Variants in AP2B1 observed in about 807,000 individuals in gnomAD.
AP2B1 encodes the protein AP-2 complex subunit beta.
AP2B1 carries 23 observed loss-of-function variants against 102.0 expected under a neutral mutation model. The ratio of observed to expected loss-of-function variants is 0.23; its 90% CI spans 0.16 to 0.32. The LOEUF (loss-of-function observed/expected upper bound fraction) is 0.32. Ranked by LOEUF, AP2B1 falls within the 10% of genes least tolerant of loss-of-function variation. The pLI is 1.00. For missense variants in AP2B1, 541 were observed against 1,157.4 expected (o/e 0.47, Z 7.73); for synonymous variants, 381 against 421.2 (o/e 0.90, Z 1.17).
intron 14 of AP2B1, among the ~76,000 whole-genome samples, chr17:35,667,833 G>A (rs1368841934): frequency 6.6e-6 from 1 of 152,120 alleles, no homozygotes; most frequent in Non-Finnish European, 1.5e-5. Flanking sequence ...TGCGGTGAGA[G>A]GGGGTAAGCC....
chr17:35,674,286 C>T lies in AP2B1; in HGVS notation c.2289C>T (p.His763=), dbSNP rs1766207230. Residue 763 remains histidine (H), a synonymous_variant, in exon 17 of 22, where the codon CAC becomes CAT. Coordinates refer to ENST00000610402, the MANE Select transcript of AP2B1 (RefSeq NM_001030006.2). ...ACTTCACCAATAAAGCTCTGCAGCA[C>T]ATGACAGATTTTGCAATCCAGTTTA... The part of the protein sequence containing the change: ...EMNFTNKALQ[H]MTDFAIQFNK... 1 of 1,614,176 alleles carries T rather than the reference C, an allele frequency of 6.2e-7. No homozygotes were observed. Among genetic ancestry groups the T allele is most frequent in the Non-Finnish European group, 8.5e-7 (1 of 1,180,036 alleles).
chr17:35,626,436 T>G (rs977827211), intron 6 of AP2B1, among the ~76,000 whole-genome samples, 185 bp from the exon 7 acceptor site: 3 of 152,114 alleles, frequency 2.0e-5, no homozygotes, highest in Non-Finnish European at 4.4e-5. Context: ...CTGCCTGTAG[T>G]TTGCTGAGAA....
chr17:35,618,547 T>A (rs2142502951), intron 5 of AP2B1, among the ~76,000 whole-genome samples: 1 of 152,314 alleles, frequency 6.6e-6, no homozygotes, highest in South Asian at 2.1e-4. Flanking sequence ...GTCACTGAAC[T>A]GGAAAGTGGT....
chr17:35,710,914 A>G (rs187915860), intron 20 of AP2B1, among the ~76,000 whole-genome samples: 88 of 152,266 alleles, frequency 5.8e-4, no homozygotes, highest in African/African-American at 2.0e-3. Context: ...TAAAAGAAAA[A>G]AAAGCCTAGT....
chr17:35,688,394 G>A (rs2075977967), intron 18 of AP2B1, among the ~76,000 whole-genome samples: 1 of 152,046 alleles, frequency 6.6e-6, no homozygotes, highest in Admixed American at 6.6e-5. Flanking sequence ...GTGAAAGCTT[G>A]TACTTTGTCC....
intron 14 of AP2B1, among the ~76,000 whole-genome samples, chr17:35,666,222 G>A (rs1455774648): frequency 1.3e-5 from 2 of 152,032 alleles, no homozygotes; most frequent in African/African-American, 2.4e-5. Context: ...GTTACAATAA[G>A]TCACCATAAA....
intron 17 of AP2B1, among the ~76,000 whole-genome samples, chr17:35,680,966 A>T (rs1166358862): frequency 8.5e-5 from 13 of 152,122 alleles, no homozygotes; most frequent in African/African-American, 3.1e-4. Context: ...AAGTGCTGAG[A>T]CTACAATTGT....
intron 1 of AP2B1, among the ~76,000 whole-genome samples, chr17:35,588,455 G>C (rs1360412883): frequency 6.6e-6 from 1 of 152,084 alleles, no homozygotes; most frequent in East Asian, 1.9e-4. Context: ...CTTGACTTTT[G>C]AGAAGAAAAA....
intron 5 of AP2B1, among the ~76,000 whole-genome samples, chr17:35,619,094 A>C (rs2074101711): frequency 6.6e-6 from 1 of 152,198 alleles, no homozygotes; most frequent in Non-Finnish European, 1.5e-5. Context: ...AGACACTGGA[A>C]TCAGATGCAG....
intron 5 of AP2B1, among the ~76,000 whole-genome samples, chr17:35,622,325 T>C (rs1359639894): frequency 1.9e-4 from 29 of 152,234 alleles, no homozygotes; most frequent in Admixed American, 1.9e-3. Flanking sequence ...ATTGCATTTG[T>C]GGCATCATTA....
At chr17:35,660,148 G>A (rs1210589483) in intron 14 of AP2B1, 1 of 907,170 alleles carries the variant, frequency 1.1e-6, no homozygotes. Flanking sequence ...GGTTTGTTTT[G>A]TTTTGTTTAG....
chr17:35,671,906 TAA>T lies in AP2B1; in HGVS notation c.2178+8_2178+9del, dbSNP rs2075596694. The stretch of plus-strand genomic sequence containing the variant: ...GATATGTGGCTCCTAAGGCTGTAAG[TAA>T]AGAGTTAACATAGCAATACTTTCTT... On this transcript the variant is annotated splice_region_variant and intron_variant, in intron 16 of 21. Transcript: ENST00000610402. 1.9e-6 allele frequency: 3 copies of T among 1,613,728 alleles called. No homozygotes were observed. The highest frequency in any genetic ancestry group is 2.5e-6 in the Non-Finnish European group (3 of 1,179,778).
intron 5 of AP2B1, among the ~76,000 whole-genome samples, chr17:35,622,499 TCTTCC>T (rs1211964956): frequency 2.0e-5 from 3 of 152,232 alleles, no homozygotes; most frequent in Non-Finnish European, 4.4e-5. Context: ...TCATTATGTT[TCTTCC>T]CTTGCTAACA....
At chr17:35,683,912 T>G (rs7213804) in intron 18 of AP2B1, among the ~76,000 whole-genome samples, 132,352 of 152,280 alleles carry the variant, frequency 0.87, 57,909 homozygotes, top group East Asian at 0.97. Flanking sequence ...TGATAGGAAA[T>G]TTCTGAGCAG....
intron 5 of AP2B1, among the ~76,000 whole-genome samples, chr17:35,624,093 G>A (rs539360680): frequency 6.6e-6 from 1 of 152,220 alleles, no homozygotes; most frequent in East Asian, 1.9e-4. Flanking sequence ...CTGTTCATAT[G>A]TCTTGATTTT....
At chr17:35,652,858 G>T (rs2075122479) in intron 13 of AP2B1, among the ~76,000 whole-genome samples, 1 of 152,014 alleles carries the variant, frequency 6.6e-6, no homozygotes, top group Non-Finnish European at 1.5e-5. Context: ...TTTCTAAATG[G>T]TATGTCAGAA....
rs1162015314 is a variant in AP2B1, at chr17:35,714,604, G to A, written c.2627-2591G>A. 2.6e-5 allele frequency among the ~76,000 whole-genome samples: 4 copies of A among 152,116 alleles called. 1 individual carries two copies. The highest frequency in any genetic ancestry group is 9.7e-5 in the African/African-American group (4 of 41,402). ...CTCACACCTGTAATCCCACACTTTG[G>A]GAGCCTGAGGCAGGAGGATAATGTG... On this transcript the variant is annotated intron_variant, in intron 20 of 21. Coordinates refer to ENST00000610402, the MANE Select transcript of AP2B1 (RefSeq NM_001030006.2).
At chr17:35,607,387 GTA>G (rs1567795593) in intron 4 of AP2B1, among the ~76,000 whole-genome samples, 16 of 152,266 alleles carry the variant, frequency 1.1e-4, no homozygotes, top group African/African-American at 3.8e-4. Context: ...GAGTCAGAAC[GTA>G]ACAGTTTGTT....
chr17:35,637,866 G>T (rs1353221722), intron 10 of AP2B1, among the ~76,000 whole-genome samples: 1 of 151,842 alleles, frequency 6.6e-6, no homozygotes, highest in Non-Finnish European at 1.5e-5. Context: ...TGTATTTTTA[G>T]TAGAGACAGG....
Sources: gnomAD v4.1 joint callset for allele counts (sites outside exome capture counted in the v4.1 genomes callset) on GRCh38, gnomAD v4.1.1 for gene constraint, MANE v1.5 for transcripts, NCBI Gene and HGNC (gene_info 2026-07-23, HGNC 2026-07-21) for gene names.